Variants in KIF1C observed in about 807,000 individuals in gnomAD.
KIF1C encodes kinesin family member 1C, also known as kinesin-like protein KIF1C.
KIF1C carries 61 observed loss-of-function variants against 126.5 expected under a neutral mutation model. The ratio of observed to expected loss-of-function variants is 0.48; its 90% CI spans 0.39 to 0.60. KIF1C has a LOEUF of 0.60. Ranked by LOEUF, KIF1C falls within the 20% of genes least tolerant of loss-of-function variation. The pLI, the probability that KIF1C is intolerant of heterozygous loss-of-function variation, is 0.00. For missense variants in KIF1C, 1,315 were observed against 1,489.2 expected (o/e 0.88, Z 1.93); for synonymous variants, 640 against 580.6 (o/e 1.10, Z -1.47).
At chr17:5,000,620 C>T (rs944590274) in intron 3 of KIF1C, 152 bp from the exon 4 acceptor site, 3 of 746,628 alleles carry the variant, frequency 4.0e-6, no homozygotes, top group African/African-American at 3.7e-5. Flanking sequence ...GCTTTGGTGG[C>T]TGGAGGGGGT....
chr17:5,023,559 G>A lies in KIF1C; in HGVS notation c.2720G>A (p.Arg907His), dbSNP rs199975737. The stretch of plus-strand genomic sequence containing the variant: ...GCAGAGGAGGCAGCCCCCAGTGACC[G>A]CATGCCGTCAGCCCGGCCCCCCTCG... ...EAAEEAAPSD[R>H]MPSARPPSPP... Residue 907 changes from arginine (R) to histidine (H), a missense_variant, in exon 23 of 23, where the codon CGC (arginine) becomes CAC (histidine). Around this residue, in one of 2 missense-constraint regions of KIF1C, gnomAD observed 441 missense variants for 436.1 expected, o/e 1.01. Coordinates refer to ENST00000320785, the MANE Select transcript of KIF1C (RefSeq NM_006612.6). This position sits in a 1 kb window ranked among gnomAD's most constrained non-coding sequence, Gnocchi z 4.2. The A allele has an allele frequency of 2.2e-5, 35 of 1,613,538 alleles. No homozygotes were observed. Among genetic ancestry groups the A allele is most frequent in the Non-Finnish European group, 2.6e-5 (31 of 1,179,944 alleles).
intron 18 of KIF1C, among the ~76,000 whole-genome samples, chr17:5,015,282 T>G (rs989198066): frequency 2.0e-5 from 3 of 152,134 alleles, no homozygotes; most frequent in African/African-American, 7.2e-5. Context: ...TTTTTCTTTT[T>G]CTTTTTCTTT....
intron 9 of KIF1C, 34 bp downstream of exon 9, chr17:5,003,723 G>A (rs1442097849): frequency 6.3e-7 from 1 of 1,594,122 alleles, no homozygotes; most frequent in Non-Finnish European, 8.6e-7. Flanking sequence ...TTGTTGTGGG[G>A]CAGTGTTGTG....
intron 18 of KIF1C, among the ~76,000 whole-genome samples, chr17:5,018,071 C>G (rs938253835): frequency 2.0e-5 from 3 of 152,078 alleles, no homozygotes; most frequent in Non-Finnish European, 4.4e-5. Flanking sequence ...GCCTCAACCT[C>G]CCGGGTTAAA....
At chr17:5,013,086 C>CT (rs1298080300) in intron 16 of KIF1C, among the ~76,000 whole-genome samples, 2 of 152,152 alleles carry the variant, frequency 1.3e-5, no homozygotes, top group Admixed American at 6.5e-5. Context: ...GTTCCATTTG[C>CT]TTTTAAGTTG....
At chr17:5,000,988 G>A in intron 4 of KIF1C, 140 bp downstream of exon 4, 1 of 973,350 alleles carries the variant, frequency 1.0e-6, no homozygotes, top group Non-Finnish European at 1.6e-6. Context: ...GGGGGTGGTA[G>A]GACCCTTAGG....
At chr17:5,017,882 A>G (rs1975009712) in intron 18 of KIF1C, among the ~76,000 whole-genome samples, 1 of 152,140 alleles carries the variant, frequency 6.6e-6, no homozygotes, top group South Asian at 2.1e-4. Context: ...TCAGATTATC[A>G]TGGGTTCAGG....
At position 5,022,421 on chromosome 17, in the gene KIF1C, G is replaced by T; in HGVS notation, c.2340G>T (p.Arg780=). 1 of 1,580,328 alleles carries T rather than the reference G, an allele frequency of 6.3e-7. No homozygotes were observed. Among genetic ancestry groups the T allele is most frequent in the East Asian group, 2.3e-5 (1 of 43,130 alleles). ...EIEALAALKM[R]ELCRTYGKPD... ...AGGCCCTGGCCGCCCTCAAGATGCG[G>T]GAGCTGTGTCGCACCTATGGCAAGC... The change falls in exon 22 of 23, where the codon CGG becomes CGT. Residue 780 remains arginine, a synonymous_variant. Coordinates refer to ENST00000320785, the MANE Select transcript of KIF1C (RefSeq NM_006612.6). This position sits in a 1 kb window ranked among gnomAD's most constrained non-coding sequence, Gnocchi z 4.9.
In KIF1C at chr17:5,000,769, C is replaced by A. The variant is rs375289644; in HGVS notation, c.107-3C>A. On this transcript the variant is annotated splice_polypyrimidine_tract_variant and splice_region_variant and intron_variant, in intron 3 of 22. Transcript: ENST00000320785. Reference sequence around the variant, plus strand: ...CCTTCCTTTACCCTCTCCTGCCCCTCAGCCATCATCAATCCTAAACAGAGC... The same window carrying A: ...CCTTCCTTTACCCTCTCCTGCCCCTAAGCCATCATCAATCCTAAACAGAGC... 2 of 1,613,782 alleles carry A rather than the reference C, an allele frequency of 1.2e-6. No individual in the cohort carries two copies. Among genetic ancestry groups the A allele is most frequent in the African/African-American group, 2.7e-5 (2 of 74,868 alleles).
intron 18 of KIF1C, among the ~76,000 whole-genome samples, chr17:5,017,424 T>C (rs1366343780): frequency 2.7e-5 from 4 of 150,798 alleles, no homozygotes; most frequent in South Asian, 2.1e-4. Flanking sequence ...CTCAGTCTCC[T>C]GAGTAGCTGG....
In KIF1C at chr17:5,027,999, C is replaced by T. The variant is rs1051216864; in HGVS notation, c.*3848C>T. On this transcript the variant is annotated 3_prime_UTR_variant, in exon 23 of 23. Transcript: ENST00000320785. ...AGAACATCAGACATCACCATCACCT[C>T]GCTTAGAATCCATGGGGCCTTCTCC... The T allele has an allele frequency of 1.3e-5, 2 of 152,116 alleles. No individual in the cohort carries two copies. Among genetic ancestry groups the T allele is most frequent in the Non-Finnish European group, 2.9e-5 (2 of 68,030 alleles). 9.4% of individuals were successfully genotyped at this position (152,116 alleles called of 1,614,324 possible).
rs1975134163 is a variant in KIF1C at position 5,023,445 on chromosome 17, C to T, written c.2629-23C>T. On this transcript the variant is annotated intron_variant, in intron 22 of 22. Transcript: ENST00000320785. The surrounding 1 kb of genome is among the most constrained non-coding windows in gnomAD (Gnocchi z 4.2). ...TTCAGCTCTCCTCACATCCCTTCTC[C>T]TTTTCTCACTCCTCCCTCCCAGGAT... is the stretch of plus-strand genomic sequence containing the variant. The T allele has an allele frequency of 6.2e-7, 1 of 1,605,532 alleles. No homozygotes were observed. Among genetic ancestry groups the T allele is most frequent in the Non-Finnish European group, 8.5e-7 (1 of 1,173,472 alleles).
intron 3 of KIF1C, 82 bp downstream of exon 3, chr17:5,000,434 T>G: frequency 1.1e-6 from 1 of 949,396 alleles, no homozygotes; most frequent in Non-Finnish European, 1.7e-6. Context: ...TGGGCCAAAC[T>G]AAGAGGAGGG....
chr17:5,009,147 C>T (rs1249696700), intron 16 of KIF1C, among the ~76,000 whole-genome samples: 4 of 150,768 alleles, frequency 2.7e-5, no homozygotes, highest in Non-Finnish European at 5.9e-5. Context: ...TCCTTCCCAC[C>T]CTTAAGTTTC....
chr17:5,011,082 C>T (rs897773496), intron 16 of KIF1C, among the ~76,000 whole-genome samples: 1 of 152,124 alleles, frequency 6.6e-6, no homozygotes, highest in South Asian at 2.1e-4. Flanking sequence ...TTCTCTTTGC[C>T]TGTGTGATTG....
At position 5,002,839 on chromosome 17, in the gene KIF1C, G is replaced by A. The variant is rs1206990449; in HGVS notation, c.717G>A (p.Glu239=). ...ACCAGCTCACGGGGCTGGACTCGGA[G>A]AAGGTGGGATCGCCCCCCCCCCCAC... ...CHDQLTGLDS[E]KVSKISLVDL... Residue 239 remains glutamate, a synonymous_variant, in exon 8 of 23, where the codon GAG becomes GAA. Transcript: ENST00000320785. 1.3e-6 allele frequency: 2 copies of A among 1,594,620 alleles called. No homozygotes were observed. Among genetic ancestry groups the A allele is most frequent in the African/African-American group, 2.9e-5 (2 of 69,166 alleles).
intron 16 of KIF1C, among the ~76,000 whole-genome samples, chr17:5,009,335 A>C (rs540151858): frequency 6.6e-6 from 1 of 151,836 alleles, no homozygotes; most frequent in East Asian, 2.0e-4. Flanking sequence ...GCACACCATC[A>C]CACCCGGCTA....
intron 4 of KIF1C, 105 bp from the exon 5 acceptor site, chr17:5,001,117 A>C: frequency 8.1e-7 from 1 of 1,238,340 alleles, no homozygotes. Context: ...CACACAGGAC[A>C]TTTGGGGAAT....
intron 17 of KIF1C, chr17:5,014,072 G>A (rs955815062): frequency 3.3e-5 from 10 of 305,090 alleles, no homozygotes; most frequent in South Asian, 2.7e-4. Context: ...AGGGAAACAC[G>A]GCCTGGTCTG....
Sources: allele counts gnomAD v4.1 joint callset (sites outside exome capture counted in the v4.1 genomes callset), GRCh38; gene constraint gnomAD v4.1.1; regional missense constraint gnomAD v4.1.1; non-coding constraint Gnocchi (gnomAD v3.1); transcripts MANE v1.5; gene names NCBI Gene and HGNC (gene_info 2026-07-23, HGNC 2026-07-21).